The following FRYL variants were observed in gnomAD, a reference collection of about 807,000 sequenced individuals.
FRYL encodes protein furry homolog-like.
In FRYL, 150 loss-of-function variants were observed where a neutral mutation model predicts 351.2. The observed-to-expected ratio is 0.43, with a 90% CI of 0.37 to 0.49. The LOEUF is 0.49. Among genes scored for constraint, FRYL ranks in the 20% least tolerant of loss-of-function variants. The pLI is 0.00. For synonymous variants in FRYL, 1,153 were observed against 1,257.1 expected (o/e 0.92, Z 1.75); for missense variants, 3,036 against 3,619.3 (o/e 0.84, Z 4.13).
In FRYL at chr4:48,553,316, T is replaced by C. The variant is rs1733308039; in HGVS notation, c.4334A>G (p.Glu1445Gly). 1 of 1,611,862 alleles carries C rather than the reference T, an allele frequency of 6.2e-7. No homozygotes were observed. ...TMQLLEELVS[E>G]LQLTDPVSSG... ...ACTGACAGGATCGGTCAGCTGAAGC[T>C]CACTCACCAGCTCTTCTAGCAACTG... The change falls in exon 36 of 64, where the codon GAG (glutamate) becomes GGG (glycine). Residue 1445 changes from glutamate (E) to glycine (G), a missense_variant. By Grantham distance (98) the Glu-to-Gly change is moderately conservative (BLOSUM62 -2). Around this residue, in one of 7 missense-constraint regions of FRYL, gnomAD observed 1,987 missense variants for 2,311.7 expected, o/e 0.86. Transcript: ENST00000358350.
rs144530023 is a variant in FRYL, at chr4:48,518,848, A to G, written c.7689+2200T>C. On this transcript the variant is annotated intron_variant, in intron 55 of 63. Transcript: ENST00000358350. ...TAGTATGATGAATAAGATGAGACAT[A>G]TTATTTACATTTTGTTTTACCTGCT... Among the ~76,000 whole-genome samples the G allele has an allele frequency of 1.5e-3, 231 of 152,332 alleles. 1 individual carries two copies. The highest frequency in any genetic ancestry group is 4.6e-3 in the African/African-American group (193 of 41,576).
At chr4:48,720,520 A>C (rs1248771643) in intron 1 of FRYL, among the ~76,000 whole-genome samples, 1 of 152,078 alleles carries the variant, frequency 6.6e-6, no homozygotes, top group African/African-American at 2.4e-5. Flanking sequence ...AAATAAATAA[A>C]TAAAATTAAA....
At chr4:48,667,832 G>C (rs1286204224) in intron 3 of FRYL, among the ~76,000 whole-genome samples, 1 of 152,178 alleles carries the variant, frequency 6.6e-6, no homozygotes, top group African/African-American at 2.4e-5. Flanking sequence ...ATTTTTAGTA[G>C]AGACAGGATT....
chr4:48,647,764 G>A (rs562365533), intron 3 of FRYL, among the ~76,000 whole-genome samples: 2 of 152,234 alleles, frequency 1.3e-5, no homozygotes, highest in South Asian at 2.1e-4. Flanking sequence ...AAAAATTCAC[G>A]TTGTTTACTT....
intron 1 of FRYL, among the ~76,000 whole-genome samples, chr4:48,725,084 C>T (rs1335316682): frequency 6.6e-6 from 1 of 152,190 alleles, no homozygotes; most frequent in Non-Finnish European, 1.5e-5. Context: ...AGAGAAAATT[C>T]AAGCATCATC....
Position 48,575,067 on chromosome 4 carries a change from T to A in FRYL, c.2846+50A>T, listed in dbSNP as rs200430838. 7 of 1,594,720 alleles carry A rather than the reference T, an allele frequency of 4.4e-6. 1 individual carries two copies. In the South Asian group the frequency reaches 7.8e-5, roughly 18 times the overall value. On this transcript the variant is annotated intron_variant, in intron 25 of 63. Coordinates refer to ENST00000358350, the MANE Select transcript of FRYL (RefSeq NM_015030.2). ...TAAGGACCCTACCACACCTTCTAAG[T>A]AGCACATTTATTCTTTTAGGACATA...
chr4:48,554,129 C>G (rs911136830), intron 35 of FRYL, among the ~76,000 whole-genome samples: 5 of 152,152 alleles, frequency 3.3e-5, no homozygotes, highest in Admixed American at 6.5e-5. Flanking sequence ...ATCAGCCTAT[C>G]TCTTTTTCTC....
chr4:48,711,580 G>A (rs1768047056), intron 1 of FRYL, among the ~76,000 whole-genome samples: 1 of 152,276 alleles, frequency 6.6e-6, no homozygotes, highest in South Asian at 2.1e-4. Flanking sequence ...ACTGGGTGGA[G>A]CCCACCACAG....
intron 42 of FRYL, 121 bp downstream of exon 42, chr4:48,545,945 CA>C: frequency 1.1e-6 from 1 of 889,922 alleles, no homozygotes; most frequent in Non-Finnish European, 1.7e-6. Flanking sequence ...CTGTGCAATA[CA>C]AACCTGTGTA....
Position 48,557,520 on chromosome 4 carries a change from C to A in FRYL, c.4058G>T (p.Gly1353Val). 1 of 1,614,174 alleles carries A rather than the reference C, an allele frequency of 6.2e-7. No homozygotes were observed. Among genetic ancestry groups the A allele is most frequent in the East Asian group, 2.2e-5 (1 of 44,886 alleles). ...GGCTTGTGGAGATCCCCATCCTTCT[C>A]CCCGTAACCAGCGCCTACTAGTCAC... ...LMVTSRRWLRGEGWGSPQATA... is the reference protein window; with the variant it reads ...LMVTSRRWLRVEGWGSPQATA... The change falls in exon 34 of 64, where the codon GGA becomes GTA. Residue 1353 changes from glycine (G) to valine (V), a missense_variant. By Grantham distance (109) the Gly-to-Val change is moderately radical. Coordinates refer to ENST00000358350, the MANE Select transcript of FRYL (RefSeq NM_015030.2).
At chr4:48,767,402 C>A (rs933261707) in intron 1 of FRYL, among the ~76,000 whole-genome samples, 2 of 152,164 alleles carry the variant, frequency 1.3e-5, no homozygotes, top group African/African-American at 4.8e-5. Context: ...CTGGGGATTA[C>A]AATTCGACAT....
rs569295064 is a variant in FRYL, at chr4:48,508,705, C to T, written c.8394+1354G>A. 2.6e-5 allele frequency among the ~76,000 whole-genome samples: 4 copies of T among 152,268 alleles called. No individual in the cohort carries two copies. In the South Asian group the frequency reaches 8.3e-4, roughly 32 times the overall value. On this transcript the variant is annotated intron_variant, in intron 59 of 63. Transcript: ENST00000358350. ...GTTGGCTTCACTCATATGTCTTGCA[C>T]ACTGACTGTCAATGGAACGCCTCTG...
At chr4:48,711,210 G>A (rs928450077) in intron 1 of FRYL, among the ~76,000 whole-genome samples, 1 of 152,210 alleles carries the variant, frequency 6.6e-6, no homozygotes, top group Middle Eastern at 3.2e-3. Flanking sequence ...CAGACAGTGG[G>A]CGCAGGTCAG....
chr4:48,503,517 CAG>C (rs1021008477), intron 60 of FRYL, among the ~76,000 whole-genome samples: 2 of 152,184 alleles, frequency 1.3e-5, no homozygotes, highest in African/African-American at 4.8e-5. Context: ...ATGTAAAACA[CAG>C]AGTAAAAATT....
At chr4:48,658,926 C>T (rs1277142144) in intron 3 of FRYL, among the ~76,000 whole-genome samples, 1 of 152,108 alleles carries the variant, frequency 6.6e-6, no homozygotes, top group East Asian at 1.9e-4. Context: ...CAACAAAATG[C>T]TAACAGTAAC....
intron 2 of FRYL, among the ~76,000 whole-genome samples, chr4:48,705,760 C>T (rs569354033): frequency 6.6e-6 from 1 of 152,248 alleles, no homozygotes; most frequent in South Asian, 2.1e-4. Flanking sequence ...TTAAGACTAA[C>T]TTAAACAGTA....
At chr4:48,509,357 A>G (rs1256593282) in intron 59 of FRYL, among the ~76,000 whole-genome samples, 10 of 152,250 alleles carry the variant, frequency 6.6e-5, no homozygotes, top group Admixed American at 5.9e-4. Context: ...AAAGGGGCTC[A>G]AATATTAGTC....
At position 48,500,160 on chromosome 4, in the gene FRYL, C is replaced by T. The variant is rs200708718; in HGVS notation, c.8653G>A (p.Ala2885Thr). Reference protein sequence around the residue: ...LESILKEAESASENEEIDISK... With the variant: ...LESILKEAESTSENEEIDISK... Reference sequence around the variant, plus strand: ...ATGTCAATTTCTTCGTTTTCGGAAGCGGACTCAGCTTCTTTGAGGATACTT... The same window carrying T: ...ATGTCAATTTCTTCGTTTTCGGAAGTGGACTCAGCTTCTTTGAGGATACTT... The change falls in exon 63 of 64, where the codon GCT becomes ACT. Residue 2885 changes from alanine (A) to threonine (T), a missense_variant. Ala to Thr is a moderately conservative substitution (Grantham distance 58). Coordinates refer to ENST00000358350, the MANE Select transcript of FRYL (RefSeq NM_015030.2). The T allele has an allele frequency of 1.2e-4, 199 of 1,605,618 alleles. No homozygotes were observed. The highest frequency in any genetic ancestry group is 8.3e-4 in the African/African-American group (62 of 74,440).
chr4:48,525,457 T>C (rs1464371213), intron 53 of FRYL, among the ~76,000 whole-genome samples: 3 of 152,138 alleles, frequency 2.0e-5, no homozygotes, highest in Non-Finnish European at 1.5e-5. Flanking sequence ...CTGAGGCATG[T>C]TGAGGAGAGG....
Sources: allele counts gnomAD v4.1 joint callset (sites outside exome capture counted in the v4.1 genomes callset), GRCh38; gene constraint gnomAD v4.1.1; regional missense constraint gnomAD v4.1.1; transcripts MANE v1.5; gene names NCBI Gene and HGNC (gene_info 2026-07-23, HGNC 2026-07-21).